HOXD3: variants seen among roughly 807,000 people sequenced by gnomAD.
HOXD3 encodes the protein homeobox D3, also known as homeobox protein Hox-D3.
In HOXD3, 13 loss-of-function variants were observed where a neutral mutation model predicts 32.8. The observed-to-expected ratio is 0.40, with a 90% CI of 0.26 to 0.63. The LOEUF is 0.63. Among genes scored for constraint, HOXD3 ranks in the 20% least tolerant of loss-of-function variants. HOXD3 has a pLI of 0.44. For synonymous variants in HOXD3, 241 were observed against 246.8 expected (o/e 0.98, Z 0.22); for missense variants, 504 against 577.1 (o/e 0.87, Z 1.30).
intron 2 of HOXD3, among the ~76,000 whole-genome samples, chr2:176,166,923 C>A (rs759952384): frequency 6.6e-6 from 1 of 152,134 alleles, no homozygotes; most frequent in Non-Finnish European, 1.5e-5. Context: ...TCCATTAGGC[C>A]ACATAAGCTG....
At chr2:176,159,370 C>A (rs923903556) in intron 1 of HOXD3, among the ~76,000 whole-genome samples, 3 of 152,186 alleles carry the variant, frequency 2.0e-5, no homozygotes, top group Non-Finnish European at 2.9e-5. Context: ...GACATTCCTG[C>A]GCCTCTGGAG....
intron 2 of HOXD3, among the ~76,000 whole-genome samples, chr2:176,166,769 AC>A (rs1690981494): frequency 6.6e-6 from 1 of 152,206 alleles, no homozygotes; most frequent in South Asian, 2.1e-4. Context: ...TGGCATACTC[AC>A]TTATATTCTA....
Position 176,171,825 on chromosome 2 carries a change from G to T in HOXD3, c.850G>T (p.Gly284Cys), listed in dbSNP as rs757008603. The T allele has an allele frequency of 1.2e-5, 20 of 1,608,694 alleles. No homozygotes were observed. Among genetic ancestry groups the T allele is most frequent in the Non-Finnish European group, 1.7e-5 (20 of 1,177,558 alleles). ...GGAAGHVAYSGQLPPVPGLAY... is the reference protein window; with the variant it reads ...GGAAGHVAYSCQLPPVPGLAY... ...CGCCGCTGGCCACGTGGCCTACTCC[G>T]GCCAGCTGCCGCCAGTGCCCGGCCT... Residue 284 changes from glycine (G) to cysteine (C), a missense_variant, in exon 4 of 4, where the codon GGC (glycine) becomes TGC (cysteine). Around this residue, in one of 3 missense-constraint regions of HOXD3, gnomAD observed 226 missense variants for 246.9 expected, o/e 0.92. Coordinates refer to ENST00000683222, the MANE Select transcript of HOXD3 (RefSeq NM_006898.5).
rs1048710198 is a variant in HOXD3 at position 176,163,347 on chromosome 2, G to T, written c.-180-726G>T. ...TGTCTCTCTCCTTTCACCTGACGGG[G>T]GGTGGTCACCCGCTGAGCGGTGACA... On this transcript the variant is annotated intron_variant, in intron 1 of 3. Coordinates refer to ENST00000683222, the MANE Select transcript of HOXD3 (RefSeq NM_006898.5). Among the ~76,000 whole-genome samples the T allele has an allele frequency of 7.2e-5, 11 of 152,008 alleles. 1 individual carries two copies. The highest frequency in any genetic ancestry group is 4.2e-4 in the South Asian group (2 of 4,796).
intron 1 of HOXD3, among the ~76,000 whole-genome samples, chr2:176,158,631 T>C (rs927351359): frequency 6.6e-6 from 1 of 152,192 alleles, no homozygotes; most frequent in African/African-American, 2.4e-5. Context: ...GGTGTGTGTA[T>C]ATTTCCCCGT....
At chr2:176,168,166 T>C (rs1290928475) in intron 2 of HOXD3, among the ~76,000 whole-genome samples, 1 of 148,928 alleles carries the variant, frequency 6.7e-6, no homozygotes, top group Non-Finnish European at 1.5e-5. Flanking sequence ...GGCTCATGCC[T>C]GTAATTCCAG....
intron 1 of HOXD3, among the ~76,000 whole-genome samples, chr2:176,159,890 G>A (rs1690744000): frequency 6.6e-6 from 1 of 152,218 alleles, no homozygotes; most frequent in African/African-American, 2.4e-5. Flanking sequence ...ACAGATCACG[G>A]CGGGCAGTGG....
chr2:176,167,516 A>G (rs1691011070), intron 2 of HOXD3, among the ~76,000 whole-genome samples: 1 of 152,112 alleles, frequency 6.6e-6, no homozygotes, highest in African/African-American at 2.4e-5. Flanking sequence ...ATGAGTCTGG[A>G]AGTCTGCAAG....
intron 2 of HOXD3, among the ~76,000 whole-genome samples, chr2:176,167,933 G>A (rs890827734): frequency 6.6e-6 from 1 of 152,102 alleles, no homozygotes; most frequent in African/African-American, 2.4e-5. Context: ...GGGCGAATCA[G>A]CCAACAAAAT....
chr2:176,160,176 G>C (rs1031536356), intron 1 of HOXD3, among the ~76,000 whole-genome samples: 1 of 152,236 alleles, frequency 6.6e-6, no homozygotes, highest in Non-Finnish European at 1.5e-5. Context: ...CCTCCGCGGC[G>C]GGGAGGCCGC....
At chr2:176,155,579 C>A (rs972729374), upstream of HOXD3, among the ~76,000 whole-genome samples, 3 of 152,172 alleles carry the variant, frequency 2.0e-5, no homozygotes, top group African/African-American at 7.2e-5. Context: ...CCAGTCGGAC[C>A]CCAGCATCCA....
chr2:176,156,058 T>C (rs1690638488), upstream of HOXD3, among the ~76,000 whole-genome samples: 1 of 152,216 alleles, frequency 6.6e-6, no homozygotes. Context: ...TTTAAAATAA[T>C]AAAAGGTGTA....
Position 176,172,120 on chromosome 2 carries a change from C to G in HOXD3, c.1145C>G (p.Pro382Arg). ...TTCAACCTGGGCCACCTCTCGCACC[C>G]GTCGTCGGCCAGCGTGGACTACAGT... is the stretch of plus-strand genomic sequence containing the variant. The part of the protein sequence containing the change: ...PVFNLGHLSH[P>R]SSASVDYSCA... Residue 382 changes from proline to arginine, a missense_variant, in exon 4 of 4, where the codon CCG (proline) becomes CGG (arginine). By Grantham distance (103) the Pro-to-Arg change is moderately radical (BLOSUM62 -2). Transcript: ENST00000683222. 3.1e-6 allele frequency: 5 copies of G among 1,613,092 alleles called. No homozygotes were observed. The highest frequency in any genetic ancestry group is 1.3e-5 in the African/African-American group (1 of 75,072).
chr2:176,165,127 C>G (rs894782199), intron 2 of HOXD3: 2 of 152,252 alleles, frequency 1.3e-5, no homozygotes, highest in African/African-American at 4.8e-5. Context: ...CTACGCGGAG[C>G]CTGCTTTCCA....
chr2:176,162,204 T>C (rs1019826434), intron 1 of HOXD3, among the ~76,000 whole-genome samples: 2 of 152,262 alleles, frequency 1.3e-5, no homozygotes, highest in South Asian at 4.1e-4. Context: ...CTGGACATTT[T>C]TCTTTGCTAG....
chr2:176,153,093 T>TAG, upstream of HOXD3: 1 of 413,282 alleles, frequency 2.4e-6, no homozygotes, highest in Admixed American at 3.3e-5. Context: ...GTTAGCATCC[T>TAG]GCCCGAGGGC....
At position 176,171,977 on chromosome 2, in the gene HOXD3, C is replaced by A. The variant is rs759813437; in HGVS notation, c.1002C>A (p.Phe334Leu). Residue 334 changes from phenylalanine to leucine, a missense_variant, in exon 4 of 4, where the codon TTC (phenylalanine) becomes TTA (leucine). Phe to Leu is a conservative substitution (Grantham distance 22). Transcript: ENST00000683222. ...AGAAGCGCTACGCAGCGCCGGAGTT[C>A]GAGCCCCATCCCATGGCGAGCAACG... Reference protein sequence around the residue: ...PQQKRYAAPEFEPHPMASNGG... With the variant: ...PQQKRYAAPELEPHPMASNGG... 4.3e-6 allele frequency: 7 copies of A among 1,610,578 alleles called. No homozygotes were observed. The highest frequency in any genetic ancestry group is 3.4e-6 in the Non-Finnish European group (4 of 1,179,528).
At chr2:176,156,367 T>G (rs191753830), upstream of HOXD3, among the ~76,000 whole-genome samples, 98 of 152,352 alleles carry the variant, frequency 6.4e-4, no homozygotes, top group African/African-American at 2.2e-3. Context: ...AAAAAGTAAT[T>G]GCCCAGGTTA....
In HOXD3 at chr2:176,171,649, T is replaced by A; in HGVS notation, c.674T>A (p.Val225Glu). Residue 225 changes from valine to glutamate, a missense_variant, in exon 4 of 4, where the codon GTG becomes GAG. Transcript: ENST00000683222. The part of the protein sequence containing the change: ...FNRYLCRPRR[V>E]EMANLLNLTE... ...CGCTACTTGTGCCGGCCGCGCCGCG[T>A]GGAGATGGCCAACCTGCTGAATCTC... The A allele has an allele frequency of 6.2e-7, 1 of 1,614,154 alleles. No individual in the cohort carries two copies. Among genetic ancestry groups the A allele is most frequent in the Non-Finnish European group, 8.5e-7 (1 of 1,180,018 alleles).
Sources: gnomAD v4.1 joint callset for allele counts (sites outside exome capture counted in the v4.1 genomes callset) on GRCh38, gnomAD v4.1.1 for gene constraint, gnomAD v4.1.1 regional missense constraint, MANE v1.5 for transcripts, NCBI Gene and HGNC (gene_info 2026-07-23, HGNC 2026-07-21) for gene names.